The following FXYD6 variants were observed in gnomAD, a reference collection of about 807,000 sequenced individuals.
FXYD6 encodes the protein FXYD domain-containing ion transport regulator 6.
In FXYD6, 7 loss-of-function variants were observed where a neutral mutation model predicts 16.7. The ratio of observed to expected loss-of-function variants is 0.42; its 90% confidence interval spans 0.24 to 0.79. The LOEUF (loss-of-function observed/expected upper bound fraction) is 0.79, where lower values mean the gene tolerates loss of function less well. Among genes scored for constraint, FXYD6 ranks in the 30% least tolerant of loss-of-function variants. The pLI, the probability that FXYD6 is intolerant of heterozygous loss-of-function variation, is 0.28. For missense variants in FXYD6, 111 were observed against 116.2 expected, an observed-to-expected ratio of 0.95 and a Z score of 0.21; for synonymous variants, 49 against 43.0, an observed-to-expected ratio of 1.14 and a Z score of -0.54.
intron 1 of FXYD6, among the ~76,000 whole-genome samples, chr11:117,873,263 G>A (rs576038222): frequency 6.6e-6 from 1 of 152,322 alleles, no homozygotes; most frequent in Non-Finnish European, 1.5e-5. Context: ...GAAATAATGA[G>A]TACTATTTGG....
At chr11:117,871,901 C>T (rs1205230741) in intron 1 of FXYD6, among the ~76,000 whole-genome samples, 1 of 152,228 alleles carries the variant, frequency 6.6e-6, no homozygotes, top group East Asian at 1.9e-4. Context: ...CTACTCGGCA[C>T]ATTCCAGCAA....
At chr11:117,858,498 C>G (rs1225870052) in intron 1 of FXYD6, among the ~76,000 whole-genome samples, 5 of 152,140 alleles carry the variant, frequency 3.3e-5, no homozygotes, top group African/African-American at 1.2e-4. Flanking sequence ...GGACCACACT[C>G]AGCCTCACAC....
chr11:117,844,907 G>A (rs765647661), intron 1 of FXYD6, among the ~76,000 whole-genome samples: 1 of 152,172 alleles, frequency 6.6e-6, no homozygotes, highest in South Asian at 2.1e-4. Context: ...GTATAACACT[G>A]TACAGCATAA....
chr11:117,840,054 G>C (rs951280518), intron 6 of FXYD6: 4 of 649,270 alleles, frequency 6.2e-6, no homozygotes, highest in Non-Finnish European at 1.1e-5. Flanking sequence ...GGACAATGAT[G>C]CCTATTTCAG....
At chr11:117,866,055 T>C (rs1892937) in intron 1 of FXYD6, among the ~76,000 whole-genome samples, 73,828 of 151,852 alleles carry the variant, frequency 0.49, 19,023 homozygotes, top group East Asian at 0.72. Flanking sequence ...GGACAAGTAC[T>C]GTATGATTCC....
chr11:117,870,797 G>A lies in FXYD6; in HGVS notation c.-6+5795C>T, dbSNP rs2057118269. Among the ~76,000 whole-genome samples the A allele has an allele frequency of 1.3e-5, 2 of 152,016 alleles. No homozygotes were observed. The highest frequency in any genetic ancestry group is 1.3e-4 in the Admixed American group (2 of 15,280). ...GCATCCTCATACCCACAGAGCCAAG[G>A]CCTACACCCCTTCCCATGTAGGGCT... On this transcript the variant is annotated intron_variant, in intron 1 of 7. Coordinates refer to ENST00000526014, the MANE Select transcript of FXYD6 (RefSeq NM_022003.4). This position sits in a 1 kb window ranked among gnomAD's most constrained non-coding sequence, Gnocchi z 4.2.
chr11:117,841,054 C>G, intron 5 of FXYD6, 94 bp downstream of exon 5: 1 of 1,522,858 alleles, frequency 6.6e-7, no homozygotes, highest in African/African-American at 1.4e-5. Flanking sequence ...AGACAAGAAT[C>G]CAAGAGAATG....
chr11:117,861,589 C>T (rs2056908544), intron 1 of FXYD6, among the ~76,000 whole-genome samples: 1 of 152,260 alleles, frequency 6.6e-6, no homozygotes, highest in South Asian at 2.1e-4. Context: ...ATAGTAACTG[C>T]TGGTGAAGCA....
chr11:117,841,320 A>C (rs1461247324), intron 4 of FXYD6, 136 bp from the exon 5 acceptor site: 5 of 1,141,590 alleles, frequency 4.4e-6, no homozygotes, highest in Non-Finnish European at 6.2e-6. Flanking sequence ...AGCTGCACAC[A>C]GTGGCCCTCG....
intron 1 of FXYD6, among the ~76,000 whole-genome samples, chr11:117,847,015 C>T (rs1372786286): frequency 1.1e-4 from 17 of 152,194 alleles, no homozygotes; most frequent in Admixed American, 1.0e-3. Context: ...TCTATAAATA[C>T]ATCTTTTGAT....
chr11:117,865,354 C>T lies in FXYD6; in HGVS notation c.-6+11238G>A, dbSNP rs921516435. ...GAATTCCCATATGATCCAGCAATTC[C>T]ACCTCTGGATATATACCCAAAAGAA... On this transcript the variant is annotated intron_variant, in intron 1 of 7. Transcript: ENST00000526014. Among the ~76,000 whole-genome samples the T allele has an allele frequency of 2.6e-5, 4 of 152,188 alleles. No homozygotes were observed. The East Asian group carries it at 7.7e-4, about 29-fold the overall frequency.
chr11:117,840,215 G>A, intron 6 of FXYD6, 104 bp downstream of exon 6: 2 of 1,483,342 alleles, frequency 1.3e-6, no homozygotes, highest in Admixed American at 3.4e-5. Flanking sequence ...CACTGCGGGA[G>A]CATGTCTGGC....
At chr11:117,861,140 A>G (rs181136942) in intron 1 of FXYD6, among the ~76,000 whole-genome samples, 2 of 152,302 alleles carry the variant, frequency 1.3e-5, no homozygotes, top group Admixed American at 1.3e-4. Flanking sequence ...GGGTCAGATG[A>G]GGTGGTCTTT....
intron 1 of FXYD6, among the ~76,000 whole-genome samples, chr11:117,856,826 G>A (rs1012769999): frequency 1.3e-5 from 2 of 152,150 alleles, no homozygotes; most frequent in African/African-American, 2.4e-5. Context: ...GAAAATTGGG[G>A]CCCAAAGAGA....
chr11:117,837,957 A>G lies in FXYD6; in HGVS notation c.*342T>C. ...CCATGTGGCTCAGCCCCTGCCTGGGAAAGCGAGTCCACAGTTCACTAACAA... is the reference window on the plus strand; with the variant it reads ...CCATGTGGCTCAGCCCCTGCCTGGGGAAGCGAGTCCACAGTTCACTAACAA... On this transcript the variant is annotated 3_prime_UTR_variant, in exon 8 of 8. Transcript: ENST00000526014. This position sits in a 1 kb window ranked among gnomAD's most constrained non-coding sequence, Gnocchi z 4.4. 1 of 518,140 alleles carries G rather than the reference A, an allele frequency of 1.9e-6. No individual in the cohort carries two copies. The highest frequency in any genetic ancestry group is 2.4e-5 in the South Asian group (1 of 41,260). The allele number at this position is 518,140 out of a possible 1,614,324, so 32.1% of individuals were successfully genotyped here.
chr11:117,839,293 A>T (rs1294391504), intron 7 of FXYD6: 1 of 158,426 alleles, frequency 6.3e-6, no homozygotes, highest in Admixed American at 6.1e-5. Context: ...TGAACAATGG[A>T]AATAGATACT....
rs930047217 is a variant in FXYD6 at position 117,857,716 on chromosome 11, T to C, written c.-5-14935A>G. 3.1e-4 allele frequency among the ~76,000 whole-genome samples: 47 copies of C among 152,118 alleles called. 1 individual carries two copies. Among genetic ancestry groups the C allele is most frequent in the African/African-American group, 1.1e-3 (47 of 41,392 alleles). On this transcript the variant is annotated intron_variant, in intron 1 of 7. Transcript: ENST00000526014. ...GCCACCACACCCGGCCCAGGTGGAATATTTATATTCCTAAGACCTTAGCAA... is the reference window on the plus strand; with the variant it reads ...GCCACCACACCCGGCCCAGGTGGAACATTTATATTCCTAAGACCTTAGCAA...
intron 1 of FXYD6, among the ~76,000 whole-genome samples, chr11:117,875,366 C>T (rs568150843): frequency 1.3e-5 from 2 of 151,702 alleles, no homozygotes; most frequent in Non-Finnish European, 2.9e-5. Context: ...GGTGTAGGAG[C>T]CAGATATCTA....
Position 117,839,748 on chromosome 11 carries a change from A to G in FXYD6, c.*21+33T>C, listed in dbSNP as rs113067850. 880 of 1,613,926 alleles carry G rather than the reference A, an allele frequency of 5.5e-4. 10 individuals are homozygous for G. In the African/African-American group the frequency reaches 0.01, roughly 19 times the overall value. On this transcript the variant is annotated intron_variant, in intron 7 of 7. Coordinates refer to ENST00000526014, the MANE Select transcript of FXYD6 (RefSeq NM_022003.4). ...AGGCCCTGATGCAGACGGTGATGGC[A>G]ACAGGGGCCAATCCAGGCACTGAGC...
Sources: gnomAD v4.1 joint callset for allele counts (sites outside exome capture counted in the v4.1 genomes callset) on GRCh38, gnomAD v4.1.1 for gene constraint, Gnocchi (gnomAD v3.1) non-coding constraint, MANE v1.5 for transcripts, NCBI Gene and HGNC (gene_info 2026-07-23, HGNC 2026-07-21) for gene names.